The following TMEM132B variants were observed in gnomAD, a reference collection of about 807,000 sequenced individuals.
TMEM132B encodes the protein transmembrane protein 132B.
Under a neutral mutation model 90.8 loss-of-function variants are expected in TMEM132B, and 18 were observed. The observed-to-expected ratio is 0.20, with a 90% CI of 0.14 to 0.29. TMEM132B has a LOEUF of 0.29. Ranked by LOEUF, TMEM132B falls within the 10% of genes least tolerant of loss-of-function variation. TMEM132B has a pLI of 1.00. For synonymous variants in TMEM132B, 504 were observed against 523.3 expected, an observed-to-expected ratio of 0.96 and a Z score of 0.50; for missense variants, 1,096 against 1,326.8, an observed-to-expected ratio of 0.83 and a Z score of 2.70.
chr12:125,435,186 G>A (rs1459037662), intron 3 of TMEM132B, among the ~76,000 whole-genome samples: 8 of 152,292 alleles, frequency 5.3e-5, no homozygotes, highest in African/African-American at 1.9e-4. Flanking sequence ...ATGTGTGACC[G>A]TGAAACCCCC....
intron 5 of TMEM132B, among the ~76,000 whole-genome samples, chr12:125,623,011 A>T (rs1433133465): frequency 6.6e-6 from 1 of 152,220 alleles, no homozygotes; most frequent in African/African-American, 2.4e-5. Flanking sequence ...GACCCTGAAC[A>T]CCTAAGCTTG....
In TMEM132B at chr12:125,656,448, C is replaced by A. The variant is rs1234682166; in HGVS notation, c.*1738C>A. 6.6e-6 allele frequency: 1 copy of A among 152,256 alleles called. No homozygotes were observed. Among genetic ancestry groups the A allele is most frequent in the Non-Finnish European group, 1.5e-5 (1 of 68,112 alleles). 9.4% of individuals were successfully genotyped at this position (152,256 alleles called of 1,614,324 possible). On this transcript the variant is annotated 3_prime_UTR_variant, in exon 9 of 9. Transcript: ENST00000682704. The stretch of plus-strand genomic sequence containing the variant: ...ATGACGTGGCAGCCAAAAAGTTCTT[C>A]CTGTATCTCTGGCCCACAGGACTGT...
intron 1 of TMEM132B, among the ~76,000 whole-genome samples, chr12:125,315,864 G>C (rs1489956049): frequency 6.6e-6 from 1 of 152,126 alleles, no homozygotes; most frequent in East Asian, 1.9e-4. Flanking sequence ...CCCAGCAGTG[G>C]CTCCAGAGAC....
intron 2 of TMEM132B, among the ~76,000 whole-genome samples, chr12:125,385,342 A>G (rs1423024597): frequency 6.6e-6 from 1 of 151,824 alleles, no homozygotes. Context: ...GGGTTGGGGG[A>G]CCTGTCTAGC....
rs1040543038 is a variant in TMEM132B at position 125,498,025 on chromosome 12, C to T, written c.1107-21414C>T. ...CCATCCTGACTGTCATCCTTCACCACGCCAAAGGGGAAGAGAGCCCTGAAA... is the reference window on the plus strand; with the variant it reads ...CCATCCTGACTGTCATCCTTCACCATGCCAAAGGGGAAGAGAGCCCTGAAA... On this transcript the variant is annotated intron_variant, in intron 3 of 8. Coordinates refer to ENST00000682704, the MANE Select transcript of TMEM132B (RefSeq NM_001366854.1). The surrounding 1 kb of genome is among the most constrained non-coding windows in gnomAD (Gnocchi z 4.5). Among the ~76,000 whole-genome samples the T allele has an allele frequency of 7.9e-5, 12 of 152,302 alleles. No homozygotes were observed. The highest frequency in any genetic ancestry group is 1.9e-4 in the East Asian group (1 of 5,184).
At chr12:125,494,249 T>C (rs1882452252) in intron 3 of TMEM132B, among the ~76,000 whole-genome samples, 1 of 88,208 alleles carries the variant, frequency 1.1e-5, no homozygotes, top group East Asian at 3.6e-4. Flanking sequence ...GCCGTGTCCC[T>C]CTTCCCCCTC....
chr12:125,304,484 C>A (rs1875910144), intron 1 of TMEM132B, among the ~76,000 whole-genome samples: 1 of 151,854 alleles, frequency 6.6e-6, no homozygotes, highest in Admixed American at 6.6e-5. Context: ...AAATATAACA[C>A]CCTTGAAAGA....
intron 1 of TMEM132B, among the ~76,000 whole-genome samples, chr12:125,212,671 G>T (rs1873347393): frequency 6.6e-6 from 1 of 152,020 alleles, no homozygotes; most frequent in Non-Finnish European, 1.5e-5. Flanking sequence ...CCCAATCTGG[G>T]CGACAAGAGC....
intron 3 of TMEM132B, among the ~76,000 whole-genome samples, chr12:125,518,791 A>ATT (rs34673335): frequency 3.3e-5 from 5 of 151,894 alleles, no homozygotes; most frequent in African/African-American, 9.7e-5. Context: ...GGCAGGTGGG[A>ATT]TTTTTTTACA....
At position 125,349,749 on chromosome 12, in the gene TMEM132B, A is replaced by G; in HGVS notation, c.365A>G (p.Asn122Ser). 1 of 1,614,210 alleles carries G rather than the reference A, an allele frequency of 6.2e-7. No individual in the cohort carries two copies. The highest frequency in any genetic ancestry group is 8.5e-7 in the Non-Finnish European group (1 of 1,180,040). Residue 122 changes from asparagine to serine, a missense_variant, in exon 2 of 9, where the codon AAC becomes AGC. By Grantham distance (46) the Asn-to-Ser change is conservative (BLOSUM62 1). Coordinates refer to ENST00000682704, the MANE Select transcript of TMEM132B (RefSeq NM_001366854.1). This position sits in a 1 kb window ranked among gnomAD's most constrained non-coding sequence, Gnocchi z 4.1. Reference protein sequence around the residue: ...AFGNMDKFPFNWKLKSHILDS... With the variant: ...AFGNMDKFPFSWKLKSHILDS... ...GGAAACATGGACAAATTTCCCTTCA[A>G]CTGGAAATTGAAATCCCACATCCTT...
chr12:125,627,571 A>G (rs888150014), intron 5 of TMEM132B, among the ~76,000 whole-genome samples: 4 of 152,254 alleles, frequency 2.6e-5, no homozygotes, highest in African/African-American at 9.6e-5. Flanking sequence ...TTTATAGGGT[A>G]CATGAGATGT....
At chr12:125,562,514 CA>C (rs1277435612) in intron 4 of TMEM132B, among the ~76,000 whole-genome samples, 2 of 152,194 alleles carry the variant, frequency 1.3e-5, no homozygotes, top group African/African-American at 4.8e-5. Context: ...GAAGCTTAAT[CA>C]TTTCTAGCTT....
intron 5 of TMEM132B, chr12:125,585,217 A>T (rs1051148120): frequency 6.6e-6 from 1 of 152,210 alleles, no homozygotes; most frequent in Admixed American, 6.5e-5. Flanking sequence ...TTTCCTGGAC[A>T]TGGAATGCTC....
At chr12:125,229,428 C>G (rs1430689357) in intron 1 of TMEM132B, among the ~76,000 whole-genome samples, 1 of 152,170 alleles carries the variant, frequency 6.6e-6, no homozygotes, top group Non-Finnish European at 1.5e-5. Context: ...TCTTCCATTA[C>G]CTGCCTCTTA....
chr12:125,654,848 A>T lies in TMEM132B; in HGVS notation c.*138A>T. On this transcript the variant is annotated 3_prime_UTR_variant, in exon 9 of 9. Transcript: ENST00000682704. The surrounding 1 kb of genome is among the most constrained non-coding windows in gnomAD (Gnocchi z 5.8). ...TGGTGGGATTCATTTCTAAGCAGGT[A>T]AAAGAGGTTTGGAGAGCTATAGAAG... 2 of 1,078,740 alleles carry T rather than the reference A, an allele frequency of 1.9e-6. No individual in the cohort carries two copies. The highest frequency in any genetic ancestry group is 2.6e-6 in the Non-Finnish European group (2 of 767,290). 66.8% of individuals were successfully genotyped at this position (1,078,740 alleles called of 1,614,324 possible).
intron 4 of TMEM132B, among the ~76,000 whole-genome samples, chr12:125,583,445 T>C (rs1047093547): frequency 6.6e-6 from 1 of 152,174 alleles, no homozygotes; most frequent in Non-Finnish European, 1.5e-5. Context: ...AAGTCTATGT[T>C]CACTATGTTA....
At chr12:125,437,996 G>A (rs920897930) in intron 3 of TMEM132B, among the ~76,000 whole-genome samples, 2 of 152,124 alleles carry the variant, frequency 1.3e-5, no homozygotes, top group African/African-American at 4.8e-5. Flanking sequence ...CAACAAAAAG[G>A]GGGAGAAGAT....
At chr12:125,625,796 C>T (rs1342425733) in intron 5 of TMEM132B, among the ~76,000 whole-genome samples, 1 of 152,228 alleles carries the variant, frequency 6.6e-6, no homozygotes, top group African/African-American at 2.4e-5. Flanking sequence ...TGTTGCTGTT[C>T]CACACTCTCA....
chr12:125,318,318 C>CT lies in TMEM132B; in HGVS notation c.68-31122dup, dbSNP rs530048970. ...TTTGCAGTGACCTGTTTCTTTCTTT[C>CT]TTTTTTTTTTTTCAAACAGAGCTTT... On this transcript the variant is annotated intron_variant, in intron 1 of 8. Transcript: ENST00000682704. Among the ~76,000 whole-genome samples the CT allele has an allele frequency of 1.9e-3, 242 of 125,688 alleles. 3 individuals carry two copies. The highest frequency in any genetic ancestry group is 0.015 in the South Asian group (60 of 3,960). 82.5% of individuals were successfully genotyped at this position (125,688 alleles called of 152,430 possible). A position where few individuals can be genotyped will look rare whatever the true frequency, so the allele number is the denominator to read the frequency against.
Sources: allele counts gnomAD v4.1 joint callset (sites outside exome capture counted in the v4.1 genomes callset), GRCh38; gene constraint gnomAD v4.1.1; non-coding constraint Gnocchi (gnomAD v3.1); transcripts MANE v1.5; gene names NCBI Gene and HGNC (gene_info 2026-07-23, HGNC 2026-07-21).